The following LRMDA variants were observed in gnomAD, a reference collection of about 807,000 sequenced individuals.
The protein encoded by LRMDA is leucine-rich melanocyte differentiation-associated protein.
Under a neutral mutation model 29.8 loss-of-function variants are expected in LRMDA, and 18 were observed. The ratio of observed to expected loss-of-function variants is 0.60; its 90% CI spans 0.42 to 0.90. The LOEUF is 0.90. LRMDA is among the 40% of genes least tolerant of loss of function. LRMDA has a pLI of 0.00. For synonymous variants in LRMDA, 125 were observed against 109.4 expected (o/e 1.14, Z -0.89); for missense variants, 273 against 273.9 (o/e 1.00, Z 0.02).
intron 5 of LRMDA, among the ~76,000 whole-genome samples, chr10:76,222,998 C>T (rs914064910): frequency 5.9e-5 from 9 of 151,944 alleles, no homozygotes; most frequent in Non-Finnish European, 1.3e-4. Context: ...TCATCATTCT[C>T]AGTAAACTAT....
At chr10:75,935,123 C>T (rs1846266719) in intron 2 of LRMDA, among the ~76,000 whole-genome samples, 1 of 152,290 alleles carries the variant, frequency 6.6e-6, no homozygotes, top group Admixed American at 6.5e-5. Context: ...TTTCCCGTCT[C>T]CATCCTTCCC....
intron 6 of LRMDA, among the ~76,000 whole-genome samples, chr10:76,556,111 G>T (rs1843553736): frequency 6.6e-6 from 1 of 152,152 alleles, no homozygotes; most frequent in African/African-American, 2.4e-5. Context: ...TGGGCATTTA[G>T]AATAAATAAT....
intron 2 of LRMDA, among the ~76,000 whole-genome samples, chr10:75,688,965 A>G (rs1310147907): frequency 1.3e-5 from 2 of 152,188 alleles, no homozygotes; most frequent in African/African-American, 4.8e-5. Flanking sequence ...TGCACACTTA[A>G]TAGACTACAG....
In LRMDA at chr10:75,905,256, A is replaced by T. The variant is rs865777116; in HGVS notation, c.132-130752A>T. 3.3e-3 allele frequency among the ~76,000 whole-genome samples: 454 copies of T among 135,798 alleles called. 1 individual carries two copies. The highest frequency in any genetic ancestry group is 0.013 in the African/African-American group (427 of 33,730). The allele number at this position is 135,798 out of a possible 152,430, so 89.1% of individuals were successfully genotyped here. ...TGCCTCTTTTTTTTTTTTTTTTTTT[A>T]AATCATAGACCCTCTAAAAACAAAA... is the stretch of plus-strand genomic sequence containing the variant. On this transcript the variant is annotated intron_variant, in intron 2 of 6. Coordinates refer to ENST00000611255, the MANE Select transcript of LRMDA (RefSeq NM_001305581.2).
At chr10:76,326,609 G>A (rs1840836356) in intron 6 of LRMDA, among the ~76,000 whole-genome samples, 2 of 152,092 alleles carry the variant, frequency 1.3e-5, no homozygotes, top group East Asian at 1.9e-4. Context: ...TTTATTCATC[G>A]AGTTCCCAAT....
At chr10:75,919,216 T>C (rs1192275161) in intron 2 of LRMDA, among the ~76,000 whole-genome samples, 1 of 152,112 alleles carries the variant, frequency 6.6e-6, no homozygotes, top group African/African-American at 2.4e-5. Context: ...GCTCTGAAAT[T>C]TCTCTCTATG....
At chr10:76,305,499 T>C (rs1049034211) in intron 5 of LRMDA, among the ~76,000 whole-genome samples, 5 of 152,190 alleles carry the variant, frequency 3.3e-5, no homozygotes, top group African/African-American at 1.2e-4. Context: ...CCACCCAGGG[T>C]AGGTTCATGC....
chr10:75,825,926 T>C (rs1844240257), intron 2 of LRMDA, among the ~76,000 whole-genome samples: 1 of 152,202 alleles, frequency 6.6e-6, no homozygotes, highest in Admixed American at 6.5e-5. Flanking sequence ...AAACAGCGGC[T>C]GCATGTGGAA....
chr10:76,436,758 G>T (rs1842249025), intron 6 of LRMDA, among the ~76,000 whole-genome samples: 1 of 152,190 alleles, frequency 6.6e-6, no homozygotes, highest in Non-Finnish European at 1.5e-5. Flanking sequence ...ATGGAATGCT[G>T]ACAAGTATTC....
chr10:76,135,148 T>G (rs1022118495), intron 5 of LRMDA, among the ~76,000 whole-genome samples: 4 of 152,214 alleles, frequency 2.6e-5, no homozygotes, highest in Non-Finnish European at 4.4e-5. Flanking sequence ...GCATGAATTA[T>G]ACTATACAGA....
intron 5 of LRMDA, among the ~76,000 whole-genome samples, chr10:76,179,489 A>G (rs755683282): frequency 2.0e-5 from 3 of 152,096 alleles, no homozygotes; most frequent in Non-Finnish European, 2.9e-5. Flanking sequence ...AGGCAAGGAC[A>G]CATGACAGGA....
chr10:76,015,331 C>A (rs1333814871), intron 2 of LRMDA, among the ~76,000 whole-genome samples: 1 of 152,224 alleles, frequency 6.6e-6, no homozygotes, highest in Non-Finnish European at 1.5e-5. Context: ...CCTGTCAAGG[C>A]TTCCCAGGGA....
chr10:75,458,166 TAA>T (rs1195618831), intron 2 of LRMDA, among the ~76,000 whole-genome samples: 1 of 152,242 alleles, frequency 6.6e-6, no homozygotes, highest in Non-Finnish European at 1.5e-5. Context: ...ATACTAAATG[TAA>T]AAGAGTTTTG....
intron 6 of LRMDA, among the ~76,000 whole-genome samples, chr10:76,423,164 G>A (rs1178730933): frequency 6.6e-6 from 1 of 152,220 alleles, no homozygotes; most frequent in Non-Finnish European, 1.5e-5. Flanking sequence ...GGAGGCTGAC[G>A]CAGGCAGATC....
chr10:75,863,851 A>G (rs1489892879), intron 2 of LRMDA, among the ~76,000 whole-genome samples: 1 of 152,242 alleles, frequency 6.6e-6, no homozygotes, highest in Non-Finnish European at 1.5e-5. Flanking sequence ...AAAAGACTTC[A>G]TTGAGAGCTG....
intron 2 of LRMDA, among the ~76,000 whole-genome samples, chr10:75,894,194 C>T (rs1447479825): frequency 6.6e-6 from 1 of 151,988 alleles, no homozygotes. Flanking sequence ...ACTCTTCCCC[C>T]CAAGTCCCCA....
chr10:75,822,877 A>C (rs1022667897), intron 2 of LRMDA, among the ~76,000 whole-genome samples: 3 of 152,134 alleles, frequency 2.0e-5, no homozygotes, highest in African/African-American at 7.2e-5. Context: ...ATGCACCACC[A>C]TCCTGGCTGA....
chr10:75,784,437 C>T lies in LRMDA; in HGVS notation c.132-251571C>T, dbSNP rs189177777. On this transcript the variant is annotated intron_variant, in intron 2 of 6. Coordinates refer to ENST00000611255, the MANE Select transcript of LRMDA (RefSeq NM_001305581.2). ...AATGCTGGCCGGGTGCGGTGGCTCA[C>T]GCCTGTAATTGCAGCACTTTGGGAG... Among the ~76,000 whole-genome samples the T allele has an allele frequency of 3.3e-3, 498 of 152,224 alleles. 5 individuals are homozygous for T. Among genetic ancestry groups the T allele is most frequent in the African/African-American group, 0.01 (421 of 41,546 alleles).
At chr10:76,538,870 C>A (rs1843321522) in intron 6 of LRMDA, among the ~76,000 whole-genome samples, 1 of 152,034 alleles carries the variant, frequency 6.6e-6, no homozygotes, top group Non-Finnish European at 1.5e-5. Context: ...ATTTGACAAA[C>A]CATCTCCCTT....
Sources: gnomAD v4.1 joint callset for allele counts (sites outside exome capture counted in the v4.1 genomes callset) on GRCh38, gnomAD v4.1.1 for gene constraint, MANE v1.5 for transcripts, NCBI Gene and HGNC (gene_info 2026-07-23, HGNC 2026-07-21) for gene names.